L3MBTL3: variants seen among roughly 807,000 people sequenced by gnomAD.
L3MBTL3 encodes the protein L3MBTL histone methyl-lysine binding protein 3.
In L3MBTL3, 27 loss-of-function variants were observed where a neutral mutation model predicts 102.3. The ratio of observed to expected loss-of-function variants is 0.26; its 90% CI spans 0.19 to 0.36. L3MBTL3 has a LOEUF of 0.36. Ranked by LOEUF, L3MBTL3 falls within the 10% of genes least tolerant of loss-of-function variation. The pLI, the probability that L3MBTL3 is intolerant of heterozygous loss-of-function variation, is 1.00. For missense variants in L3MBTL3, 798 were observed against 955.3 expected (o/e 0.84, Z 2.17); for synonymous variants, 340 against 320.9 (o/e 1.06, Z -0.64).
intron 20 of L3MBTL3, among the ~76,000 whole-genome samples, chr6:130,131,312 C>A (rs1028389522): frequency 6.6e-6 from 1 of 152,054 alleles, no homozygotes; most frequent in Non-Finnish European, 1.5e-5. Context: ...ACCCACTAAA[C>A]GGTTAAAAAG....
At chr6:130,091,245 G>T (rs1405302529) in intron 16 of L3MBTL3, among the ~76,000 whole-genome samples, 2 of 152,022 alleles carry the variant, frequency 1.3e-5, no homozygotes, top group Non-Finnish European at 2.9e-5. Flanking sequence ...AATGTTTATT[G>T]TTCAATTTTT....
intron 3 of L3MBTL3, among the ~76,000 whole-genome samples, chr6:130,046,713 G>GT (rs201367025): frequency 2.0e-5 from 2 of 100,562 alleles, no homozygotes; most frequent in Non-Finnish European, 5.4e-5. Flanking sequence ...CACGTGGCAA[G>GT]TTTTTTACAT....
chr6:130,044,185 A>G lies in L3MBTL3; in HGVS notation c.102+1384A>G, dbSNP rs560526486. Reference sequence around the variant, plus strand: ...ACCCAAGCTTTGTCAAATTATTTCAATTGCCTAAGTTTTGGAAGCCTTATC... The same window carrying G: ...ACCCAAGCTTTGTCAAATTATTTCAGTTGCCTAAGTTTTGGAAGCCTTATC... On this transcript the variant is annotated intron_variant, in intron 3 of 22. Coordinates refer to ENST00000361794, the MANE Select transcript of L3MBTL3 (RefSeq NM_032438.4). Among the ~76,000 whole-genome samples the G allele has an allele frequency of 5.8e-4, 88 of 152,306 alleles. 1 individual carries two copies. The highest frequency in any genetic ancestry group is 2.7e-3 in the Admixed American group (42 of 15,284).
intron 2 of L3MBTL3, among the ~76,000 whole-genome samples, chr6:130,038,901 A>C (rs578030850): frequency 1.3e-4 from 20 of 152,284 alleles, no homozygotes; most frequent in African/African-American, 4.6e-4. Flanking sequence ...AATATGTCTA[A>C]TATTTGATGT....
intron 19 of L3MBTL3, among the ~76,000 whole-genome samples, chr6:130,117,673 T>C (rs2115465531): frequency 6.6e-6 from 1 of 152,188 alleles, no homozygotes; most frequent in East Asian, 1.9e-4. Flanking sequence ...AGAGAAATAA[T>C]GGTTGTCCAA....
intron 1 of L3MBTL3, 25 bp from the exon 2 acceptor site, chr6:130,022,202 T>A (rs539678085): frequency 6.6e-6 from 1 of 152,222 alleles, no homozygotes; most frequent in Non-Finnish European, 1.5e-5. Flanking sequence ...TGATTTTACC[T>A]TCCCTCTCTT....
At chr6:130,019,558 C>T (rs1778801447) in intron 1 of L3MBTL3, 2 of 150,354 alleles carry the variant, frequency 1.3e-5, no homozygotes, top group African/African-American at 2.4e-5. Flanking sequence ...AGGCGCGTCT[C>T]CCCGGCGTGT....
chr6:130,126,192 A>G (rs1306541670), intron 20 of L3MBTL3, among the ~76,000 whole-genome samples: 1 of 152,016 alleles, frequency 6.6e-6, no homozygotes, highest in Non-Finnish European at 1.5e-5. Flanking sequence ...CCATTAGTAA[A>G]GAATTGAATA....
At chr6:130,117,727 T>C (rs1195779003) in intron 19 of L3MBTL3, among the ~76,000 whole-genome samples, 1 of 152,184 alleles carries the variant, frequency 6.6e-6, no homozygotes, top group Non-Finnish European at 1.5e-5. Flanking sequence ...TGAGACACAG[T>C]CTCACTTTGT....
At chr6:130,031,481 G>A (rs1032133254) in intron 2 of L3MBTL3, among the ~76,000 whole-genome samples, 2 of 152,240 alleles carry the variant, frequency 1.3e-5, no homozygotes, top group Admixed American at 6.5e-5. Context: ...GTTGCACATC[G>A]ATGTGCCCTG....
chr6:130,084,728 C>T (rs985785003), intron 15 of L3MBTL3, among the ~76,000 whole-genome samples: 1 of 152,226 alleles, frequency 6.6e-6, no homozygotes, highest in Non-Finnish European at 1.5e-5. Context: ...TACATGTCTA[C>T]TGTCACAACA....
intron 3 of L3MBTL3, among the ~76,000 whole-genome samples, chr6:130,048,294 G>A (rs777463376): frequency 1.6e-4 from 25 of 152,028 alleles, no homozygotes; most frequent in Admixed American, 5.9e-4. Flanking sequence ...TTTGAATTTT[G>A]AGCTTTCTAG....
At chr6:130,098,863 CTT>C (rs11332477) in intron 18 of L3MBTL3, among the ~76,000 whole-genome samples, 2,594 of 118,484 alleles carry the variant, frequency 0.022, 28 homozygotes, top group Middle Eastern at 0.048. Context: ...GTGTGTTTTT[CTT>C]TTTTTTTTTT....
At chr6:130,056,933 G>A (rs183969954) in intron 8 of L3MBTL3, among the ~76,000 whole-genome samples, 1 of 152,060 alleles carries the variant, frequency 6.6e-6, no homozygotes, top group Admixed American at 6.5e-5. Flanking sequence ...AATATTAACT[G>A]CCTCTATTAT....
intron 13 of L3MBTL3, among the ~76,000 whole-genome samples, chr6:130,076,669 T>A (rs1782971275): frequency 6.6e-6 from 1 of 152,164 alleles, no homozygotes; most frequent in South Asian, 2.1e-4. Flanking sequence ...TTTTTACCTT[T>A]AGTTGTTCTT....
At chr6:130,128,385 A>G (rs957536669) in intron 20 of L3MBTL3, among the ~76,000 whole-genome samples, 1 of 152,148 alleles carries the variant, frequency 6.6e-6, no homozygotes, top group South Asian at 2.1e-4. Flanking sequence ...TCCCAACACC[A>G]TATCATGGTT....
intron 19 of L3MBTL3, among the ~76,000 whole-genome samples, chr6:130,112,690 G>A (rs904140873): frequency 2.6e-5 from 4 of 151,486 alleles, no homozygotes; most frequent in African/African-American, 9.7e-5. Flanking sequence ...CATCCTCATC[G>A]GGAAGCTCTG....
intron 20 of L3MBTL3, among the ~76,000 whole-genome samples, chr6:130,123,543 C>T (rs1016462116): frequency 1.3e-5 from 2 of 152,118 alleles, no homozygotes; most frequent in Admixed American, 6.6e-5. Context: ...CTGTAGCCTC[C>T]TAAAATCAAT....
At chr6:130,101,906 A>G (rs543768306) in intron 18 of L3MBTL3, among the ~76,000 whole-genome samples, 12 of 152,304 alleles carry the variant, frequency 7.9e-5, no homozygotes, top group South Asian at 2.1e-4. Flanking sequence ...TTATTACTAA[A>G]TGAATACAAT....
Sources: gnomAD v4.1 joint callset for allele counts (sites outside exome capture counted in the v4.1 genomes callset) on GRCh38, gnomAD v4.1.1 for gene constraint, MANE v1.5 for transcripts, NCBI Gene and HGNC (gene_info 2026-07-23, HGNC 2026-07-21) for gene names.